Variants in CDK19 observed in about 807,000 individuals in gnomAD.
CDK19 encodes cyclin dependent kinase 19.
In CDK19, 20 loss-of-function variants were observed where a neutral mutation model predicts 68.3. The observed-to-expected ratio is 0.29, with a 90% CI of 0.21 to 0.43. The LOEUF is 0.43. CDK19 is among the 20% of genes least tolerant of loss of function. The pLI is 1.00. For synonymous variants in CDK19, 221 were observed against 222.8 expected (o/e 0.99, Z 0.07); for missense variants, 339 against 623.5 (o/e 0.54, Z 4.86).
intron 1 of CDK19, among the ~76,000 whole-genome samples, chr6:110,776,605 A>G (rs889104560): frequency 6.6e-6 from 1 of 152,176 alleles, no homozygotes; most frequent in East Asian, 1.9e-4. Flanking sequence ...AGAGATGATT[A>G]TATCAAATTA....
intron 2 of CDK19, among the ~76,000 whole-genome samples, chr6:110,729,569 C>T (rs995825473): frequency 6.6e-6 from 1 of 151,016 alleles, no homozygotes; most frequent in Non-Finnish European, 1.5e-5. Flanking sequence ...GCTGGGACTA[C>T]AGGCACATGC....
chr6:110,743,296 C>T (rs4383853), intron 2 of CDK19, among the ~76,000 whole-genome samples: 23,780 of 152,090 alleles, frequency 0.16, 2,069 homozygotes, highest in East Asian at 0.32. Context: ...TGCTATTCAA[C>T]CTAGAAACTG....
Position 110,621,023 on chromosome 6 carries a change from G to A in CDK19, c.1377+81C>T. Reference sequence around the variant, plus strand: ...GCACAGTCAAATGTAAGAGTTAAGTGTTACTTAACTCTAAAAGGATCTAGG... The same window carrying A: ...GCACAGTCAAATGTAAGAGTTAAGTATTACTTAACTCTAAAAGGATCTAGG... On this transcript the variant is annotated intron_variant, in intron 12 of 12. Transcript: ENST00000368911. The surrounding 1 kb of genome is among the most constrained non-coding windows in gnomAD (Gnocchi z 5.4). The A allele has an allele frequency of 5.5e-6, 7 of 1,281,620 alleles. No individual in the cohort carries two copies. Among genetic ancestry groups the A allele is most frequent in the Non-Finnish European group, 7.6e-6 (7 of 922,348 alleles). 79.4% of individuals were successfully genotyped at this position (1,281,620 alleles called of 1,614,324 possible). A position where few individuals can be genotyped will look rare whatever the true frequency, so the allele number is the denominator to read the frequency against.
chr6:110,733,209 G>C (rs1390823425), intron 2 of CDK19, among the ~76,000 whole-genome samples: 2 of 152,086 alleles, frequency 1.3e-5, no homozygotes, highest in African/African-American at 4.8e-5. Context: ...ACCCATATGT[G>C]TTATTTTGTA....
chr6:110,742,581 T>C (rs925663865), intron 2 of CDK19, among the ~76,000 whole-genome samples: 1 of 152,188 alleles, frequency 6.6e-6, no homozygotes, highest in Non-Finnish European at 1.5e-5. Flanking sequence ...GGAGAGATAT[T>C]GCTGAAATCT....
intron 2 of CDK19, among the ~76,000 whole-genome samples, chr6:110,743,793 C>G (rs1467815420): frequency 6.6e-6 from 1 of 152,134 alleles, no homozygotes; most frequent in Non-Finnish European, 1.5e-5. Context: ...TGAGTTATCA[C>G]TTCCTATTAA....
chr6:110,760,551 G>A lies in CDK19; in HGVS notation c.129-14350C>T, dbSNP rs552443984. Among the ~76,000 whole-genome samples, 3 of 151,776 alleles carry A rather than the reference G, an allele frequency of 2.0e-5. No homozygotes were observed. The South Asian group carries it at 6.2e-4, about 32-fold the overall frequency. On this transcript the variant is annotated intron_variant, in intron 1 of 12. Transcript: ENST00000368911. ...AAGACTAGCCTGGGCAACACAATGAGACCCTGTCGCTACAAAAAAATACAA... is the reference window on the plus strand; with the variant it reads ...AAGACTAGCCTGGGCAACACAATGAAACCCTGTCGCTACAAAAAAATACAA...
chr6:110,658,808 T>C (rs912334175), intron 4 of CDK19, among the ~76,000 whole-genome samples: 4 of 152,068 alleles, frequency 2.6e-5, no homozygotes, highest in African/African-American at 4.8e-5. Context: ...ACAGGCATTC[T>C]GGGGGGAAAA....
At position 110,630,056 on chromosome 6, in the gene CDK19, T is replaced by C. The variant is rs191220299; in HGVS notation, c.646+1974A>G. Among the ~76,000 whole-genome samples the C allele has an allele frequency of 1.5e-3, 225 of 152,270 alleles. 2 individuals carry two copies. Among genetic ancestry groups the C allele is most frequent in the African/African-American group, 5.3e-3 (219 of 41,544 alleles). The stretch of plus-strand genomic sequence containing the variant: ...AGAAAAATAAATCAGAAAATATTCA[T>C]AAAATTGTGCTTCTCAAAGTGTGGG... On this transcript the variant is annotated intron_variant, in intron 6 of 12. Coordinates refer to ENST00000368911, the MANE Select transcript of CDK19 (RefSeq NM_015076.5).
chr6:110,704,767 T>C (rs1289710727), intron 2 of CDK19, among the ~76,000 whole-genome samples: 1 of 152,138 alleles, frequency 6.6e-6, no homozygotes, highest in Non-Finnish European at 1.5e-5. Flanking sequence ...TCAGGTAATC[T>C]ACACGTGCCC....
chr6:110,617,856 CAAAAAAAA>C (rs58620857), intron 12 of CDK19, among the ~76,000 whole-genome samples: 2 of 17,360 alleles, frequency 1.2e-4, no homozygotes, highest in Non-Finnish European at 2.4e-4. Flanking sequence ...GACTCTGTCT[CAAAAAAAA>C]AAAAAAAAAA....
At chr6:110,652,418 T>C (rs1309126708) in intron 4 of CDK19, among the ~76,000 whole-genome samples, 2 of 152,204 alleles carry the variant, frequency 1.3e-5, no homozygotes, top group African/African-American at 4.8e-5. Context: ...TTAGAGTACA[T>C]TTTTGAAAGC....
chr6:110,639,847 G>A (rs1780019961), intron 4 of CDK19, among the ~76,000 whole-genome samples: 1 of 152,146 alleles, frequency 6.6e-6, no homozygotes, highest in African/African-American at 2.4e-5. Flanking sequence ...AACCATCATG[G>A]CAGAGTAGAG....
chr6:110,622,832 G>T lies in CDK19; in HGVS notation c.1014C>A (p.Asp338Glu). The T allele has an allele frequency of 6.2e-7, 1 of 1,608,372 alleles. No homozygotes were observed. Among genetic ancestry groups the T allele is most frequent in the Non-Finnish European group, 8.5e-7 (1 of 1,174,686 alleles). Reference sequence around the variant, plus strand: ...ATACATACTCTAATGTTGGCAAAGGGTCCTCCTGAAAATAGGGATCCTGCA... The same window carrying T: ...ATACATACTCTAATGTTGGCAAAGGTTCCTCCTGAAAATAGGGATCCTGCA... ...QALQDPYFQE[D>E]PLPTLDVFAG... The change falls in exon 10 of 13, where the codon GAC (aspartate) becomes GAA (glutamate). Residue 338 changes from aspartate to glutamate, a missense_variant. By Grantham distance (45) the Asp-to-Glu change is conservative (BLOSUM62 2). Transcript: ENST00000368911.
At chr6:110,760,727 C>G (rs1400438074) in intron 1 of CDK19, among the ~76,000 whole-genome samples, 1 of 152,122 alleles carries the variant, frequency 6.6e-6, no homozygotes, top group Non-Finnish European at 1.5e-5. Flanking sequence ...GACCTTGTCT[C>G]AAAGCATACA....
At chr6:110,620,931 A>G (rs958480304) in intron 12 of CDK19, among the ~76,000 whole-genome samples, 173 bp downstream of exon 12, 5 of 152,210 alleles carry the variant, frequency 3.3e-5, no homozygotes, top group East Asian at 1.9e-4. Context: ...AGAATACGAG[A>G]TATCTTACAA....
At chr6:110,714,696 A>AT (rs760493137) in intron 2 of CDK19, among the ~76,000 whole-genome samples, 3 of 139,260 alleles carry the variant, frequency 2.2e-5, no homozygotes, top group Non-Finnish European at 4.7e-5. Flanking sequence ...GGTGATTCAT[A>AT]TATCTTCTTT....
chr6:110,678,484 A>C (rs1040237961), intron 2 of CDK19, among the ~76,000 whole-genome samples: 13 of 152,152 alleles, frequency 8.5e-5, no homozygotes, highest in African/African-American at 2.7e-4. Flanking sequence ...GCAGTTATTC[A>C]GGCAAAAACC....
At chr6:110,665,895 C>A (rs1781894085) in intron 4 of CDK19, among the ~76,000 whole-genome samples, 1 of 151,972 alleles carries the variant, frequency 6.6e-6, no homozygotes, top group South Asian at 2.1e-4. Context: ...CAGGAGCACA[C>A]CACGCCCAGC....
Sources: gnomAD v4.1 joint callset for allele counts (sites outside exome capture counted in the v4.1 genomes callset) on GRCh38, gnomAD v4.1.1 for gene constraint, Gnocchi (gnomAD v3.1) non-coding constraint, MANE v1.5 for transcripts, NCBI Gene and HGNC (gene_info 2026-07-23, HGNC 2026-07-21) for gene names.